The following NOL4 variants were observed in gnomAD, a reference collection of about 807,000 sequenced individuals.
NOL4 encodes the protein cancer/testis antigen 125.
NOL4 carries 17 observed loss-of-function variants against 75.9 expected under a neutral mutation model. The observed-to-expected ratio is 0.22, with a 90% CI of 0.15 to 0.34. The LOEUF (loss-of-function observed/expected upper bound fraction) is 0.34, where lower values mean the gene tolerates loss of function less well. Among genes scored for constraint, NOL4 ranks in the 10% least tolerant of loss-of-function variants. The pLI, the probability that NOL4 is intolerant of heterozygous loss-of-function variation, is 1.00. For synonymous variants in NOL4, 292 were observed against 289.9 expected (o/e 1.01, Z -0.07); for missense variants, 614 against 793.5 (o/e 0.77, Z 2.72).
At chr18:33,968,110 A>T (rs1406318686) in intron 6 of NOL4, among the ~76,000 whole-genome samples, 2 of 152,016 alleles carry the variant, frequency 1.3e-5, no homozygotes, top group Admixed American at 6.5e-5. Flanking sequence ...ATAAATAAAT[A>T]AAAATTAAAA....
intron 5 of NOL4, among the ~76,000 whole-genome samples, chr18:34,053,674 T>C (rs990328024): frequency 2.6e-5 from 4 of 151,946 alleles, no homozygotes; most frequent in African/African-American, 4.8e-5. Context: ...GTTAGGAACA[T>C]ATAGGAAACA....
intron 10 of NOL4, among the ~76,000 whole-genome samples, chr18:33,864,459 G>A (rs2063332360): frequency 6.6e-6 from 1 of 152,106 alleles, no homozygotes; most frequent in Non-Finnish European, 1.5e-5. Flanking sequence ...CTTTGCTCCA[G>A]TTCCCAAGAA....
At chr18:33,877,414 G>A (rs919552888) in intron 10 of NOL4, among the ~76,000 whole-genome samples, 2 of 140,362 alleles carry the variant, frequency 1.4e-5, no homozygotes, top group African/African-American at 5.4e-5. Flanking sequence ...CCCCAGCCTA[G>A]GTAACACAGG....
chr18:33,920,042 T>C (rs1183487043), intron 9 of NOL4, among the ~76,000 whole-genome samples: 1 of 152,226 alleles, frequency 6.6e-6, no homozygotes, highest in African/African-American at 2.4e-5. Context: ...TCTTTTTAAA[T>C]GACAACTCCA....
chr18:33,965,208 G>GTTA (rs2070479832), intron 6 of NOL4, among the ~76,000 whole-genome samples: 2 of 152,198 alleles, frequency 1.3e-5, no homozygotes, highest in South Asian at 4.1e-4. Flanking sequence ...AGAAGGTCAG[G>GTTA]TTATGTCTAT....
chr18:34,145,183 A>G (rs1207375357), intron 1 of NOL4, among the ~76,000 whole-genome samples: 1 of 152,146 alleles, frequency 6.6e-6, no homozygotes, highest in Non-Finnish European at 1.5e-5. Flanking sequence ...TTGATATATC[A>G]AACATATACT....
intron 2 of NOL4, among the ~76,000 whole-genome samples, chr18:34,120,737 A>G (rs1376894302): frequency 6.6e-6 from 1 of 152,178 alleles, no homozygotes; most frequent in East Asian, 1.9e-4. Context: ...AGATAGGGAA[A>G]TGGTACAAGT....
At chr18:34,132,118 G>A (rs756206663) in intron 1 of NOL4, among the ~76,000 whole-genome samples, 1 of 152,162 alleles carries the variant, frequency 6.6e-6, no homozygotes, top group Non-Finnish European at 1.5e-5. Flanking sequence ...TTCACAGCTT[G>A]AGGCTGCATT....
In NOL4 at chr18:34,084,297, C is replaced by T. The variant is rs142510983; in HGVS notation, c.772+9168G>A. On this transcript the variant is annotated intron_variant, in intron 5 of 10. Transcript: ENST00000261592. ...CTAGGGCTGCTGATCCAAGATACTG[C>T]GGTCGCCCTTCCTCCTAGGGGCTCT... Among the ~76,000 whole-genome samples, 1,015 of 152,220 alleles carry T rather than the reference C, an allele frequency of 6.7e-3. 5 individuals are homozygous for T. The highest frequency in any genetic ancestry group is 0.011 in the Non-Finnish European group (744 of 68,010).
intron 5 of NOL4, among the ~76,000 whole-genome samples, chr18:34,057,556 G>T (rs2076882597): frequency 6.6e-6 from 1 of 152,132 alleles, no homozygotes; most frequent in Non-Finnish European, 1.5e-5. Context: ...ATCTGCTGTT[G>T]CCCTGAAAGA....
intron 1 of NOL4, among the ~76,000 whole-genome samples, chr18:34,151,904 G>C (rs1373630845): frequency 6.6e-6 from 1 of 151,734 alleles, no homozygotes; most frequent in Non-Finnish European, 1.5e-5. Flanking sequence ...AGGAGTGAAA[G>C]CCTTGCTGTC....
chr18:34,010,866 C>A (rs376859414), intron 6 of NOL4, among the ~76,000 whole-genome samples: 1 of 151,792 alleles, frequency 6.6e-6, no homozygotes, highest in Non-Finnish European at 1.5e-5. Flanking sequence ...TGGGAGATGT[C>A]TATTCAGACC....
chr18:34,075,083 A>C (rs2077687518), intron 5 of NOL4, among the ~76,000 whole-genome samples: 1 of 152,168 alleles, frequency 6.6e-6, no homozygotes, highest in East Asian at 1.9e-4. Context: ...GAGTGAAAAA[A>C]TTCTTCGTAC....
chr18:33,997,551 TG>T (rs1302231279), intron 6 of NOL4, among the ~76,000 whole-genome samples: 1 of 151,272 alleles, frequency 6.6e-6, no homozygotes, highest in Non-Finnish European at 1.5e-5. Flanking sequence ...TTGACTTTTC[TG>T]GTTATAAAAG....
At chr18:34,175,396 A>G (rs2033452506) in intron 1 of NOL4, among the ~76,000 whole-genome samples, 2 of 152,176 alleles carry the variant, frequency 1.3e-5, no homozygotes, top group South Asian at 4.1e-4. Flanking sequence ...TAACAGTTGA[A>G]TCAAATAGTA....
chr18:34,006,904 G>A (rs2074058821), intron 6 of NOL4, among the ~76,000 whole-genome samples: 1 of 152,000 alleles, frequency 6.6e-6, no homozygotes, highest in African/African-American at 2.4e-5. Flanking sequence ...GTATGATGCT[G>A]TGTCTTTGAT....
chr18:33,946,408 C>T (rs374202345), intron 8 of NOL4, among the ~76,000 whole-genome samples: 1 of 151,742 alleles, frequency 6.6e-6, no homozygotes, highest in African/African-American at 2.4e-5. Context: ...ACTTATATTA[C>T]TCATATTTTA....
chr18:34,169,393 A>G (rs1173175415), intron 1 of NOL4, among the ~76,000 whole-genome samples: 2 of 151,606 alleles, frequency 1.3e-5, no homozygotes, highest in African/African-American at 4.8e-5. Context: ...TAAAGTAACC[A>G]TTGGTATTTA....
chr18:34,194,469 C>CAGGT (rs2035175594), intron 1 of NOL4, among the ~76,000 whole-genome samples: 1 of 111,538 alleles, frequency 9.0e-6, no homozygotes, highest in African/African-American at 3.3e-5. Flanking sequence ...GGCAGGCAGG[C>CAGGT]AGGCAGGCAG....
Sources: allele counts gnomAD v4.1 joint callset (sites outside exome capture counted in the v4.1 genomes callset), GRCh38; gene constraint gnomAD v4.1.1; transcripts MANE v1.5; gene names NCBI Gene and HGNC (gene_info 2026-07-23, HGNC 2026-07-21).